The following PRKN variants were observed in gnomAD, a reference collection of about 807,000 sequenced individuals.
PRKN encodes the protein E3 ubiquitin-protein ligase parkin.
Under a neutral mutation model 59.5 loss-of-function variants are expected in PRKN, and 56 were observed. The observed-to-expected ratio is 0.94, with a 90% CI of 0.76 to 1.18. PRKN has a LOEUF of 1.18. Among genes scored for constraint, PRKN ranks in the 50% most tolerant of loss-of-function variants. The probability of loss-of-function intolerance (pLI) is 0.00; values close to 1 mark genes in which losing one functional copy is unlikely to be tolerated. For missense variants in PRKN, 657 were observed against 596.4 expected (o/e 1.10, Z -1.06); for synonymous variants, 250 against 222.1 (o/e 1.13, Z -1.12).
At chr6:161,452,787 A>G (rs1056685363) in intron 9 of PRKN, among the ~76,000 whole-genome samples, 14 of 152,038 alleles carry the variant, frequency 9.2e-5, no homozygotes, top group African/African-American at 3.1e-4. Flanking sequence ...CCCTATTTAT[A>G]GTTGCCATAG....
chr6:162,610,872 A>G (rs752380500), intron 1 of PRKN, among the ~76,000 whole-genome samples: 15 of 152,184 alleles, frequency 9.9e-5, no homozygotes, highest in Non-Finnish European at 1.9e-4. Context: ...AAAAATCATG[A>G]TATGTACATA....
At chr6:162,299,390 T>C (rs1442809863) in intron 2 of PRKN, among the ~76,000 whole-genome samples, 3 of 152,112 alleles carry the variant, frequency 2.0e-5, no homozygotes, top group African/African-American at 4.8e-5. Flanking sequence ...GAAGGTGGAA[T>C]GGGCACACTA....
chr6:161,579,246 G>A lies in PRKN; in HGVS notation c.872-9830C>T, dbSNP rs568024745. ...GTGAAAATGTCAATGTCTAGTTAAC[G>A]TTGGGGGAAAGAGAATCTGTGGGAC... On this transcript the variant is annotated intron_variant, in intron 7 of 11. Transcript: ENST00000366898. The surrounding 1 kb of genome is among the most constrained non-coding windows in gnomAD (Gnocchi z 4.2). 1.1e-4 allele frequency among the ~76,000 whole-genome samples: 16 copies of A among 152,324 alleles called. No homozygotes were observed. The highest frequency in any genetic ancestry group is 3.4e-3 in the Middle Eastern group (1 of 294).
chr6:162,639,470 C>T (rs1037720442), intron 1 of PRKN, among the ~76,000 whole-genome samples: 2 of 152,102 alleles, frequency 1.3e-5, no homozygotes, highest in Admixed American at 6.5e-5. Flanking sequence ...GTAAGATCAC[C>T]TGGTTAGATA....
intron 7 of PRKN, among the ~76,000 whole-genome samples, chr6:161,760,299 C>T (rs192973528): frequency 6.0e-5 from 9 of 149,086 alleles, no homozygotes; most frequent in East Asian, 2.0e-4. Context: ...CGCAACTCAA[C>T]GACACCCACA....
chr6:162,595,195 CATAACT>C (rs1781453860), intron 1 of PRKN, among the ~76,000 whole-genome samples: 1 of 152,062 alleles, frequency 6.6e-6, no homozygotes, highest in Non-Finnish European at 1.5e-5. Flanking sequence ...TCACCTGAAA[CATAACT>C]ATGATATCCC....
chr6:161,807,046 A>G (rs561836088), intron 6 of PRKN, among the ~76,000 whole-genome samples: 1 of 152,348 alleles, frequency 6.6e-6, no homozygotes, highest in South Asian at 2.1e-4. Flanking sequence ...GTAAGTGTTA[A>G]ACTTTAAAAA....
chr6:161,982,185 A>T (rs1781284645), intron 5 of PRKN, among the ~76,000 whole-genome samples: 2 of 152,196 alleles, frequency 1.3e-5, no homozygotes, highest in South Asian at 4.1e-4. Flanking sequence ...GAGATTGTTA[A>T]AGAAGATGTT....
chr6:161,983,769 G>T lies in PRKN; in HGVS notation c.619-10352C>A, dbSNP rs867570067. On this transcript the variant is annotated intron_variant, in intron 5 of 11. Transcript: ENST00000366898. The stretch of plus-strand genomic sequence containing the variant: ...TGGGGACTGTGGTGGGGTCGGGGGA[G>T]GGGGGAGGGATAGCATTGGGAGATA... 7.1e-4 allele frequency among the ~76,000 whole-genome samples: 66 copies of T among 92,378 alleles called. 1 individual carries two copies. Among genetic ancestry groups the T allele is most frequent in the Admixed American group, 1.5e-3 (13 of 8,926 alleles). The allele number at this position is 92,378 out of a possible 152,430, so 60.6% of individuals were successfully genotyped here. A position where few individuals can be genotyped will look rare whatever the true frequency, so the allele number is the denominator to read the frequency against.
intron 1 of PRKN, among the ~76,000 whole-genome samples, chr6:162,594,617 T>C (rs961610202): frequency 4.6e-5 from 7 of 152,224 alleles, no homozygotes; most frequent in Admixed American, 1.3e-4. Context: ...GCTAGTTTAT[T>C]AGCTAGACCA....
At chr6:162,507,021 A>C (rs1165932298) in intron 1 of PRKN, among the ~76,000 whole-genome samples, 2 of 152,322 alleles carry the variant, frequency 1.3e-5, no homozygotes, top group East Asian at 1.9e-4. Flanking sequence ...GGAGAGGGTA[A>C]AAAAGACCTG....
rs542712852 is a variant in PRKN at position 161,962,734 on chromosome 6, G to A, written c.734+10568C>T. Among the ~76,000 whole-genome samples, 384 of 151,854 alleles carry A rather than the reference G, an allele frequency of 2.5e-3. 2 individuals carry two copies. The highest frequency in any genetic ancestry group is 2.9e-3 in the Non-Finnish European group (199 of 67,932). ...GTATTTTTAGTAGAGACGGGGGTTT[G>A]CCATGTTTGTCAGGCTGGTCTTGAA... On this transcript the variant is annotated intron_variant, in intron 6 of 11. Coordinates refer to ENST00000366898, the MANE Select transcript of PRKN (RefSeq NM_004562.3).
chr6:162,194,585 A>G (rs1373759539), intron 4 of PRKN, among the ~76,000 whole-genome samples: 1 of 152,152 alleles, frequency 6.6e-6, no homozygotes, highest in Non-Finnish European at 1.5e-5. Context: ...AGACCCCTTT[A>G]CATATATATT....
chr6:162,376,651 T>C (rs1786103590), intron 2 of PRKN, among the ~76,000 whole-genome samples: 1 of 148,782 alleles, frequency 6.7e-6, no homozygotes, highest in African/African-American at 2.5e-5. Context: ...ATTAAATGTG[T>C]AAACATACTA....
chr6:161,800,557 C>T (rs1016150018), intron 6 of PRKN, among the ~76,000 whole-genome samples: 35 of 152,150 alleles, frequency 2.3e-4, no homozygotes, highest in Admixed American at 2.0e-4. Context: ...TTGACTGATC[C>T]CCTCTACCAT....
intron 2 of PRKN, among the ~76,000 whole-genome samples, chr6:162,316,233 T>C (rs1353236747): frequency 6.6e-6 from 1 of 150,480 alleles, no homozygotes; most frequent in African/African-American, 2.4e-5. Context: ...ATAAGAATTT[T>C]TGGTAGGCTG....
chr6:161,995,965 G>C (rs1781825416), intron 5 of PRKN, among the ~76,000 whole-genome samples: 1 of 152,026 alleles, frequency 6.6e-6, no homozygotes, highest in Non-Finnish European at 1.5e-5. Flanking sequence ...AACATACCAA[G>C]ACCCCATTTT....
At chr6:161,804,435 C>T (rs1219775106) in intron 6 of PRKN, among the ~76,000 whole-genome samples, 1 of 152,190 alleles carries the variant, frequency 6.6e-6, no homozygotes, top group African/African-American at 2.4e-5. Flanking sequence ...GGCTGGTGGC[C>T]TTCAGCTCTG....
chr6:161,621,425 C>T (rs1042061011), intron 7 of PRKN, among the ~76,000 whole-genome samples: 3 of 152,058 alleles, frequency 2.0e-5, no homozygotes, highest in Non-Finnish European at 2.9e-5. Flanking sequence ...CCTTGAGTCC[C>T]AAGGCTGGGG....
Sources: gnomAD v4.1 joint callset for allele counts (sites outside exome capture counted in the v4.1 genomes callset) on GRCh38, gnomAD v4.1.1 for gene constraint, Gnocchi (gnomAD v3.1) non-coding constraint, MANE v1.5 for transcripts, NCBI Gene and HGNC (gene_info 2026-07-23, HGNC 2026-07-21) for gene names.